The following PGLYRP4 variants were observed in gnomAD, a reference collection of about 807,000 sequenced individuals.
PGLYRP4 encodes the protein peptidoglycan recognition protein 4.
Under a neutral mutation model 41.2 loss-of-function variants are expected in PGLYRP4, and 39 were observed. The ratio of observed to expected loss-of-function variants is 0.95; its 90% CI spans 0.73 to 1.24. PGLYRP4 has a LOEUF of 1.24. Among genes scored for constraint, PGLYRP4 ranks in the 50% most tolerant of loss-of-function variants. The pLI is 0.00. For missense variants in PGLYRP4, 467 were observed against 460.7 expected (o/e 1.01, Z -0.13); for synonymous variants, 202 against 186.8 (o/e 1.08, Z -0.66).
At chr1:153,341,900 G>T in intron 5 of PGLYRP4, 121 bp from the exon 6 acceptor site, 1 of 872,022 alleles carries the variant, frequency 1.1e-6, no homozygotes, top group Non-Finnish European at 1.7e-6. Context: ...AAAGGGAACA[G>T]GTTATGCCCC....
At chr1:153,338,422 A>G (rs1309928503) in intron 7 of PGLYRP4, among the ~76,000 whole-genome samples, 1 of 152,012 alleles carries the variant, frequency 6.6e-6, no homozygotes, top group Non-Finnish European at 1.5e-5. Flanking sequence ...CTCCAGTTCC[A>G]CCCTTTCCCA....
intron 3 of PGLYRP4, among the ~76,000 whole-genome samples, 171 bp from the exon 4 acceptor site, chr1:153,345,553 C>T (rs1571142891): frequency 1.3e-5 from 2 of 152,186 alleles, no homozygotes; most frequent in African/African-American, 4.8e-5. Context: ...TCACCCCGAA[C>T]ACAGACTCTG....
At chr1:153,346,048 C>T (rs1305786096) in intron 3 of PGLYRP4, 54 bp downstream of exon 3, 1 of 1,312,116 alleles carries the variant, frequency 7.6e-7, no homozygotes, top group South Asian at 1.2e-5. Context: ...TTTCCGATCA[C>T]ATGAAAAACC....
At chr1:153,336,295 C>T (rs1260025640) in intron 8 of PGLYRP4, among the ~76,000 whole-genome samples, 1 of 133,316 alleles carries the variant, frequency 7.5e-6, no homozygotes, top group Non-Finnish European at 1.5e-5. Flanking sequence ...CGCTTGAACC[C>T]AGGAGGCGGA....
chr1:153,342,082 A>C (rs1160385822), intron 5 of PGLYRP4, among the ~76,000 whole-genome samples: 2 of 152,172 alleles, frequency 1.3e-5, no homozygotes, highest in Non-Finnish European at 2.9e-5. Context: ...AGGGTTTCCC[A>C]TCAGAAGGGG....
rs572609507 is a variant in PGLYRP4 at position 153,345,340 on chromosome 1, C to T, written c.182G>A (p.Trp61Ter). ...ACTGCAGCCAACAGCTTCTGCCCCC[C>T]ATGCCTTGCGAGAGACCGTGGTGGA... Reference protein sequence around the residue: ...DVSTTVSRKAWGAEAVGCSIQ... With the variant: ...DVSTTVSRKA The change falls in exon 4 of 9, where the codon TGG becomes TAG. Residue 61 changes from tryptophan to a stop codon, truncating the protein, a stop_gained. Transcript: ENST00000359650. LOFTEE classifies it high-confidence loss of function. 6 of 1,614,186 alleles carry T rather than the reference C, an allele frequency of 3.7e-6. No individual in the cohort carries two copies. In the East Asian group the frequency reaches 6.7e-5, roughly 18 times the overall value.
intron 2 of PGLYRP4, among the ~76,000 whole-genome samples, chr1:153,346,611 C>A (rs1407913501): frequency 1.3e-5 from 2 of 152,184 alleles, no homozygotes; most frequent in Non-Finnish European, 2.9e-5. Flanking sequence ...CAGACCAGTT[C>A]CCCCGGGATT....
chr1:153,340,056 G>A (rs551011589), intron 7 of PGLYRP4, among the ~76,000 whole-genome samples: 10 of 152,282 alleles, frequency 6.6e-5, no homozygotes, highest in East Asian at 3.9e-4. Context: ...ACAATCTTTC[G>A]ATTATCTTTT....
At position 153,330,449 on chromosome 1, in the gene PGLYRP4, GGAGA is replaced by G. The variant is rs1322806414; in HGVS notation, c.*314_*317del. 1.0e-5 allele frequency: 2 copies of G among 199,816 alleles called. No homozygotes were observed. The highest frequency in any genetic ancestry group is 2.1e-5 in the Non-Finnish European group (2 of 95,368). 12.4% of individuals were successfully genotyped at this position (199,816 alleles called of 1,614,324 possible). A position where few individuals can be genotyped will look rare whatever the true frequency, so the allele number is the denominator to read the frequency against. ...GAAGGCTCACCAGGCAGAGGGGAAT[GGAGA>G]GAGAGAGAGAAATGAAACAAGAACC... On this transcript the variant is annotated 3_prime_UTR_variant, in exon 9 of 9. Transcript: ENST00000359650.
chr1:153,339,495 A>G (rs1450465903), intron 7 of PGLYRP4, among the ~76,000 whole-genome samples: 5 of 152,210 alleles, frequency 3.3e-5, no homozygotes, highest in African/African-American at 1.2e-4. Context: ...GGTTCCTTCT[A>G]TGAATGTGCA....
chr1:153,331,993 C>A (rs1017240587), intron 8 of PGLYRP4, among the ~76,000 whole-genome samples: 2 of 152,072 alleles, frequency 1.3e-5, no homozygotes, highest in South Asian at 2.1e-4. Flanking sequence ...CGAAAATGAA[C>A]TAAAGGCTTC....
rs748978496 is a variant in PGLYRP4, at chr1:153,340,514, G to A, written c.691C>T (p.Leu231Phe). Reference sequence around the variant, plus strand: ...ATAATGATGCCATACTTCGCTGGGAGAGTCATCCTGGGACAGTGGGTCTCC... The same window carrying A: ...ATAATGATGCCATACTTCGCTGGGAAAGTCATCCTGGGACAGTGGGTCTCC... ...ARETHCPRMT[L>F]PAKYGIIIHT... Residue 231 changes from leucine to phenylalanine, a missense_variant, in exon 7 of 9, where the codon CTC becomes TTC. Transcript: ENST00000359650. The A allele has an allele frequency of 6.2e-7, 1 of 1,614,182 alleles. No homozygotes were observed. The highest frequency in any genetic ancestry group is 1.7e-5 in the Admixed American group (1 of 60,020).
In PGLYRP4 at chr1:153,345,154, A is replaced by G; in HGVS notation, c.353+15T>C. On this transcript the variant is annotated intron_variant, in intron 4 of 8. Coordinates refer to ENST00000359650, the MANE Select transcript of PGLYRP4 (RefSeq NM_020393.4). ...ACACTGACCATGTGCCGTGGGACCC[A>G]GACCCAGCTCTTACTTGTAGGCCAC... 1 of 1,595,170 alleles carries G rather than the reference A, an allele frequency of 6.3e-7. No individual in the cohort carries two copies. Among genetic ancestry groups the G allele is most frequent in the Non-Finnish European group, 8.6e-7 (1 of 1,169,322 alleles).
intron 6 of PGLYRP4, among the ~76,000 whole-genome samples, chr1:153,340,874 T>C (rs1012068885): frequency 1.3e-5 from 2 of 152,260 alleles, no homozygotes; most frequent in African/African-American, 4.8e-5. Flanking sequence ...AGATCAAATT[T>C]ACTCAAGGCT....
At chr1:153,342,453 A>G (rs1660839311) in intron 5 of PGLYRP4, among the ~76,000 whole-genome samples, 1 of 152,176 alleles carries the variant, frequency 6.6e-6, no homozygotes, top group Non-Finnish European at 1.5e-5. Context: ...ATCTACCTGG[A>G]CTCTCTCAAA....
intron 6 of PGLYRP4, 105 bp downstream of exon 6, chr1:153,341,522 A>G (rs1295977436): frequency 8.3e-6 from 9 of 1,089,758 alleles, no homozygotes; most frequent in Non-Finnish European, 9.2e-6. Flanking sequence ...TGCCTTCCAG[A>G]AGGAATCTAA....
chr1:153,341,798 T>G lies in PGLYRP4; in HGVS notation c.473-19A>C. The G allele has an allele frequency of 1.2e-6, 2 of 1,600,472 alleles. No individual in the cohort carries two copies. The highest frequency in any genetic ancestry group is 1.9e-4 in the Middle Eastern group (1 of 5,332). Reference sequence around the variant, plus strand: ...CTGTGGCCTAGAAGAGAGAAATCTGTGGGAAACCTCCACCCAGCCTGAGTT... The same window carrying G: ...CTGTGGCCTAGAAGAGAGAAATCTGGGGGAAACCTCCACCCAGCCTGAGTT... On this transcript the variant is annotated intron_variant, in intron 5 of 8. Transcript: ENST00000359650.
At chr1:153,338,886 A>G (rs904198342) in intron 7 of PGLYRP4, among the ~76,000 whole-genome samples, 1 of 152,180 alleles carries the variant, frequency 6.6e-6, no homozygotes, top group African/African-American at 2.4e-5. Flanking sequence ...TATTTGTTTG[A>G]ATTACTTTTC....
intron 7 of PGLYRP4, 126 bp from the exon 8 acceptor site, chr1:153,337,425 G>C (rs1419322585): frequency 3.2e-6 from 2 of 634,082 alleles, no homozygotes. Flanking sequence ...TCTAAGCACT[G>C]GGTTACAGAA....
Sources: gnomAD v4.1 joint callset for allele counts (sites outside exome capture counted in the v4.1 genomes callset) on GRCh38, gnomAD v4.1.1 for gene constraint, MANE v1.5 for transcripts, NCBI Gene and HGNC (gene_info 2026-07-23, HGNC 2026-07-21) for gene names.